Variants in IRAG2 observed in about 807,000 individuals in gnomAD.
IRAG2 encodes the protein lymphoid restricted membrane protein.
Under a neutral mutation model 69.9 loss-of-function variants are expected in IRAG2, and 45 were observed. The observed-to-expected ratio is 0.64, with a 90% CI of 0.51 to 0.83. The LOEUF is 0.83. Ranked by LOEUF, IRAG2 falls within the 40% of genes least tolerant of loss-of-function variation. The pLI, the probability that IRAG2 is intolerant of heterozygous loss-of-function variation, is 0.00. For missense variants in IRAG2, 520 were observed against 587.0 expected, an observed-to-expected ratio of 0.89 and a Z score of 1.18; for synonymous variants, 193 against 202.4, an observed-to-expected ratio of 0.95 and a Z score of 0.40.
chr12:25,076,381 A>G, intron 6 of IRAG2: 3 of 967,266 alleles, frequency 3.1e-6, no homozygotes, highest in African/African-American at 1.8e-5. Flanking sequence ...AATGTTTCAT[A>G]TCTAACGTAT....
chr12:25,017,992 G>T (rs994886338), intron 6 of IRAG2, among the ~76,000 whole-genome samples: 6 of 152,064 alleles, frequency 3.9e-5, no homozygotes, highest in Non-Finnish European at 2.9e-5. Context: ...TGTTTTTAAG[G>T]TTCATCCATG....
chr12:25,066,846 T>C (rs1347821447), intron 5 of IRAG2, among the ~76,000 whole-genome samples: 3 of 151,840 alleles, frequency 2.0e-5, no homozygotes, highest in Admixed American at 2.0e-4. Flanking sequence ...GATGGGGTTT[T>C]GCCACGTTGG....
At chr12:25,069,621 T>G (rs1265116680) in intron 6 of IRAG2, among the ~76,000 whole-genome samples, 190 bp downstream of exon 6, 1 of 152,230 alleles carries the variant, frequency 6.6e-6, no homozygotes, top group Non-Finnish European at 1.5e-5. Flanking sequence ...GAAATTAAAA[T>G]TATTTAATAT....
intron 3 of IRAG2, among the ~76,000 whole-genome samples, chr12:25,063,175 G>A (rs998736502): frequency 1.1e-4 from 17 of 152,148 alleles, no homozygotes; most frequent in Non-Finnish European, 2.9e-5. Flanking sequence ...AGATTCTCCT[G>A]CCTCAGCCTC....
intron 10 of IRAG2, among the ~76,000 whole-genome samples, chr12:25,084,421 C>G (rs183076130): frequency 1.3e-5 from 2 of 152,114 alleles, no homozygotes; most frequent in African/African-American, 4.8e-5. Context: ...AGAGAGAAGA[C>G]TCATTTCCAC....
At chr12:25,072,628 G>A (rs1173972544) in intron 6 of IRAG2, among the ~76,000 whole-genome samples, 1 of 152,194 alleles carries the variant, frequency 6.6e-6, no homozygotes, top group Non-Finnish European at 1.5e-5. Flanking sequence ...CATAATATAT[G>A]TTTATCATCC....
At position 25,108,266 on chromosome 12, in the gene IRAG2, CTTT is replaced by C; in HGVS notation, c.*209_*211del. On this transcript the variant is annotated 3_prime_UTR_variant, in exon 22 of 22. Transcript: ENST00000556887. Reference sequence around the variant, plus strand: ...AGTCTGCCTATGATCTTTGAATGAGCTTTTTAAGGAAGAAATATTATATATTGT... The same window carrying C: ...AGTCTGCCTATGATCTTTGAATGAGCTTAAGGAAGAAATATTATATATTGT... 1 of 575,524 alleles carries C rather than the reference CTTT, an allele frequency of 1.7e-6. No homozygotes were observed. Among genetic ancestry groups the C allele is most frequent in the Non-Finnish European group, 2.9e-6 (1 of 339,398 alleles). The allele number at this position is 575,524 out of a possible 1,614,324, so 35.7% of individuals were successfully genotyped here.
At chr12:25,053,733 A>G (rs1315540637) in intron 1 of IRAG2, among the ~76,000 whole-genome samples, 3 of 151,672 alleles carry the variant, frequency 2.0e-5, no homozygotes, top group African/African-American at 7.3e-5. Flanking sequence ...TATTCTTTTT[A>G]TAGAAAGTTA....
chr12:25,039,632 A>G (rs561186594), intron 16 of IRAG2, among the ~76,000 whole-genome samples: 55 of 152,234 alleles, frequency 3.6e-4, no homozygotes, highest in Admixed American at 6.5e-4. Context: ...GGGTTTCACC[A>G]TGTTAACCAG....
intron 10 of IRAG2, chr12:25,031,044 G>A (rs905937272): frequency 9.0e-5 from 89 of 985,252 alleles, no homozygotes; most frequent in Non-Finnish European, 1.0e-4. Context: ...GTAACTTTAA[G>A]AGACACAGGA....
intron 7 of IRAG2, among the ~76,000 whole-genome samples, chr12:25,021,236 T>G (rs572142543): frequency 6.6e-6 from 1 of 151,866 alleles, no homozygotes; most frequent in South Asian, 2.1e-4. Flanking sequence ...TCCCAAAGTG[T>G]TGGGATTATA....
At chr12:25,103,740 GT>G (rs1484015995) in intron 17 of IRAG2, 96 bp from the exon 18 acceptor site, 10 of 860,230 alleles carry the variant, frequency 1.2e-5, no homozygotes, top group Non-Finnish European at 1.3e-5. Flanking sequence ...CTGTGGTCAA[GT>G]ACACGGATAT....
At chr12:25,107,796 C>CTATT (rs1949306786) in intron 21 of IRAG2, 21 bp from the exon 22 acceptor site, 4 of 1,599,408 alleles carry the variant, frequency 2.5e-6, no homozygotes, top group African/African-American at 1.3e-5. Context: ...TTACCAAATT[C>CTATT]TATTTGTGTT....
intron 7 of IRAG2, among the ~76,000 whole-genome samples, chr12:25,023,146 GA>G (rs1944596252): frequency 7.7e-6 from 1 of 130,008 alleles, no homozygotes; most frequent in African/African-American, 2.8e-5. Flanking sequence ...AAAAAAAAAA[GA>G]AAAAGTAGGG....
chr12:25,011,612 T>C, intron 3 of IRAG2: 3 of 1,015,054 alleles, frequency 3.0e-6, no homozygotes, highest in Non-Finnish European at 3.8e-6. Flanking sequence ...ATTATAATTA[T>C]GCTAATCACT....
chr12:25,094,618 G>A (rs1948297089), intron 14 of IRAG2, among the ~76,000 whole-genome samples: 1 of 152,106 alleles, frequency 6.6e-6, no homozygotes, highest in Non-Finnish European at 1.5e-5. Flanking sequence ...ATGCCATTGG[G>A]ATTTTGATAG....
intron 1 of IRAG2, 131 bp from the exon 2 acceptor site, chr12:25,061,461 T>G (rs1945633969): frequency 2.5e-6 from 1 of 393,248 alleles, no homozygotes. Flanking sequence ...GGAGGCAGAG[T>G]TTGCAGTGAG....
chr12:25,013,623 TAA>T (rs1276427648), intron 3 of IRAG2, among the ~76,000 whole-genome samples: 1 of 152,144 alleles, frequency 6.6e-6, no homozygotes, highest in South Asian at 2.1e-4. Context: ...TCTAGATATT[TAA>T]AAAGAGACAA....
rs187371555 is a variant in IRAG2, at chr12:25,106,328, A to G, written c.1149-615A>G. On this transcript the variant is annotated intron_variant, in intron 20 of 21. Coordinates refer to ENST00000556887, the MANE Select transcript of IRAG2 (RefSeq NM_001366544.2). ...ATATGTACACATCCATATACAAAACATATATACAACATATACATACATATT... is the reference window on the plus strand; with the variant it reads ...ATATGTACACATCCATATACAAAACGTATATACAACATATACATACATATT... Among the ~76,000 whole-genome samples the G allele has an allele frequency of 4.2e-3, 619 of 145,996 alleles. 5 individuals carry two copies. The highest frequency in any genetic ancestry group is 0.015 in the African/African-American group (587 of 40,412).
Sources: allele counts gnomAD v4.1 joint callset (sites outside exome capture counted in the v4.1 genomes callset), GRCh38; gene constraint gnomAD v4.1.1; transcripts MANE v1.5; gene names NCBI Gene and HGNC (gene_info 2026-07-23, HGNC 2026-07-21).